PCDHGA1: variants seen among roughly 807,000 people sequenced by gnomAD.
PCDHGA1 encodes protocadherin gamma-A1.
Under a neutral mutation model 58.0 loss-of-function variants are expected in PCDHGA1, and 32 were observed. The observed-to-expected ratio is 0.55, with a 90% CI of 0.42 to 0.74. PCDHGA1 has a LOEUF of 0.74. Ranked by LOEUF, PCDHGA1 falls within the 30% of genes least tolerant of loss-of-function variation. The pLI, the probability that PCDHGA1 is intolerant of heterozygous loss-of-function variation, is 0.00. For missense variants in PCDHGA1, 1,205 were observed against 1,182.3 expected, an observed-to-expected ratio of 1.02 and a Z score of -0.28; for synonymous variants, 498 against 501.1, an observed-to-expected ratio of 0.99 and a Z score of 0.08.
At position 141,500,368 on chromosome 5, in the gene PCDHGA1, C is replaced by T. The variant is rs181410708; in HGVS notation, c.2481-5025C>T. Among the ~76,000 whole-genome samples, 364 of 152,050 alleles carry T rather than the reference C, an allele frequency of 2.4e-3. 3 individuals carry two copies. The highest frequency in any genetic ancestry group is 9.2e-3 in the Admixed American group (140 of 15,274). ...GGACTACAGGCGCCCACTACCACGCCCGGCTAATTATTTTGTATTTTTAGT... is the reference window on the plus strand; with the variant it reads ...GGACTACAGGCGCCCACTACCACGCTCGGCTAATTATTTTGTATTTTTAGT... On this transcript the variant is annotated intron_variant, in intron 2 of 3. Transcript: ENST00000517417.
intron 1 of PCDHGA1, chr5:141,430,515 G>A (rs1016446331): frequency 2.1e-5 from 7 of 340,180 alleles, no homozygotes; most frequent in Admixed American, 1.8e-4. Flanking sequence ...TCAAGATTGT[G>A]CAGTAATTGG....
At position 141,366,500 on chromosome 5, in the gene PCDHGA1, C is replaced by T. The variant is rs538032302; in HGVS notation, c.2421+33395C>T. The T allele has an allele frequency of 1.5e-5, 24 of 1,614,276 alleles. No homozygotes were observed. In the South Asian group the frequency reaches 2.3e-4, roughly 16 times the overall value. On this transcript the variant is annotated intron_variant, in intron 1 of 3. Coordinates refer to ENST00000517417, the MANE Select transcript of PCDHGA1 (RefSeq NM_018912.3). The stretch of plus-strand genomic sequence containing the variant: ...ACTGAGGCGCTGGCACAAGTCACGC[C>T]TGCTTCAGGCTGAAGGCAGCAGGTT...
At chr5:141,483,273 T>G (rs6860615) in intron 1 of PCDHGA1, among the ~76,000 whole-genome samples, 62,442 of 151,936 alleles carry the variant, frequency 0.41, 15,417 homozygotes, top group African/African-American at 0.7. Flanking sequence ...GTTTTAGAAA[T>G]ATTATTCTGT....
At chr5:141,419,782 C>T (rs765128711) in intron 1 of PCDHGA1, 9 of 1,614,058 alleles carry the variant, frequency 5.6e-6, no homozygotes, top group Non-Finnish European at 7.6e-6. Flanking sequence ...TCCGCCAGCG[C>T]CTGCTAGTCG....
Position 141,486,998 on chromosome 5 carries a change from C to G in PCDHGA1, c.2422-7809C>G, listed in dbSNP as rs754609128. On this transcript the variant is annotated intron_variant, in intron 1 of 3. Coordinates refer to ENST00000517417, the MANE Select transcript of PCDHGA1 (RefSeq NM_018912.3). The surrounding 1 kb of genome is among the most constrained non-coding windows in gnomAD (Gnocchi z 5.0). ...AGGTTACAATGCTTGGGTTTCCTAT[C>G]AGCTCCTGGAGGCCCCAGATCCCAG... The G allele has an allele frequency of 6.2e-7, 1 of 1,614,206 alleles. No homozygotes were observed. Among genetic ancestry groups the G allele is most frequent in the Non-Finnish European group, 8.5e-7 (1 of 1,180,034 alleles).
chr5:141,451,001 A>T (rs909477017), intron 1 of PCDHGA1, among the ~76,000 whole-genome samples: 2 of 148,266 alleles, frequency 1.3e-5, no homozygotes, highest in Middle Eastern at 3.4e-3. Context: ...ATTTTTTTGT[A>T]TTTTTTTTAG....
chr5:141,404,429 G>A (rs760246804), intron 1 of PCDHGA1: 1 of 1,613,682 alleles, frequency 6.2e-7, no homozygotes, highest in East Asian at 2.2e-5. Flanking sequence ...CTCCTTGGCA[G>A]AGGATACCAT....
At chr5:141,360,478 A>G in intron 1 of PCDHGA1, 1 of 1,613,910 alleles carries the variant, frequency 6.2e-7, no homozygotes, top group Non-Finnish European at 8.5e-7. Flanking sequence ...AAATCCACTA[A>G]ATATTTTCTA....
At chr5:141,456,224 A>ACT (rs1167290500) in intron 1 of PCDHGA1, among the ~76,000 whole-genome samples, 1 of 152,034 alleles carries the variant, frequency 6.6e-6, no homozygotes, top group Non-Finnish European at 1.5e-5. Context: ...GCGATATCAA[A>ACT]CTAACTGCTG....
intron 1 of PCDHGA1, chr5:141,340,354 T>A: frequency 3.1e-6 from 5 of 1,613,720 alleles, no homozygotes; most frequent in Non-Finnish European, 4.2e-6. Flanking sequence ...CCACCTACAT[T>A]CCCGAAAACA....
chr5:141,444,467 G>A (rs1288596542), intron 1 of PCDHGA1, among the ~76,000 whole-genome samples: 3 of 151,998 alleles, frequency 2.0e-5, no homozygotes, highest in African/African-American at 4.8e-5. Flanking sequence ...CACTGCGCCC[G>A]GTCGCGTACT....
At chr5:141,350,152 C>T (rs1758417714) in intron 1 of PCDHGA1, 5 of 974,858 alleles carry the variant, frequency 5.1e-6, no homozygotes, top group Non-Finnish European at 5.7e-6. Flanking sequence ...TGTTCACCCT[C>T]GAGCGCCTAA....
chr5:141,428,658 T>G (rs932328483), intron 1 of PCDHGA1: 1 of 165,620 alleles, frequency 6.0e-6, no homozygotes, highest in Non-Finnish European at 1.3e-5. Flanking sequence ...TGAGTTCCAA[T>G]GAATGTCTTT....
rs779949817 is a variant in PCDHGA1 at position 141,487,266 on chromosome 5, T to G, written c.2422-7541T>G. The G allele has an allele frequency of 6.2e-7, 1 of 1,614,054 alleles. No individual in the cohort carries two copies. The highest frequency in any genetic ancestry group is 8.5e-7 in the Non-Finnish European group (1 of 1,180,044). On this transcript the variant is annotated intron_variant, in intron 1 of 3. Transcript: ENST00000517417. This position sits in a 1 kb window ranked among gnomAD's most constrained non-coding sequence, Gnocchi z 5.0. The stretch of plus-strand genomic sequence containing the variant: ...ACCCTCTACTTGGCTGTGTCCCTAG[T>G]GGCAATTTGCTTTGTCTCCTTTGGC...
intron 1 of PCDHGA1, chr5:141,366,482 C>A: frequency 6.2e-7 from 1 of 1,614,242 alleles, no homozygotes; most frequent in Non-Finnish European, 8.5e-7. Flanking sequence ...CAGACTGAGG[C>A]GCTGGCACAA....
At position 141,383,491 on chromosome 5, in the gene PCDHGA1, C is replaced by A. The variant is rs116533786; in HGVS notation, c.2421+50386C>A. ...TAAGTACCCGGAACTGGTGCTGGAG[C>A]GGGTGCTGGACCGGGAGGAAGAGCG... On this transcript the variant is annotated intron_variant, in intron 1 of 3. Transcript: ENST00000517417. 4.5e-4 allele frequency: 731 copies of A among 1,613,114 alleles called. 6 individuals are homozygous for A. In the African/African-American group the frequency reaches 7.9e-3, roughly 17 times the overall value.
Position 141,489,999 on chromosome 5 carries a change from GA to G in PCDHGA1, c.2422-4806del. On this transcript the variant is annotated intron_variant, in intron 1 of 3. Transcript: ENST00000517417. The surrounding 1 kb of genome is among the most constrained non-coding windows in gnomAD (Gnocchi z 4.5). ...CAGTTCTACGTGTGGGAATCCCAGA[GA>G]ATGCACCCATTGGTACTCTGCTGCT... 1 of 1,614,242 alleles carries G rather than the reference GA, an allele frequency of 6.2e-7. No individual in the cohort carries two copies. Among genetic ancestry groups the G allele is most frequent in the Non-Finnish European group, 8.5e-7 (1 of 1,180,032 alleles).
At chr5:141,461,133 T>C (rs2099009646) in intron 1 of PCDHGA1, among the ~76,000 whole-genome samples, 1 of 152,086 alleles carries the variant, frequency 6.6e-6, no homozygotes, top group South Asian at 2.1e-4. Flanking sequence ...TAATTACTTA[T>C]TTTCCTTTGG....
chr5:141,403,201 C>G (rs1486888915), intron 1 of PCDHGA1: 1 of 1,614,002 alleles, frequency 6.2e-7, no homozygotes, highest in East Asian at 2.2e-5. Context: ...GCAGCGGCAC[C>G]TTGGTCACCG....
Sources: gnomAD v4.1 joint callset for allele counts (sites outside exome capture counted in the v4.1 genomes callset) on GRCh38, gnomAD v4.1.1 for gene constraint, Gnocchi (gnomAD v3.1) non-coding constraint, MANE v1.5 for transcripts, NCBI Gene and HGNC (gene_info 2026-07-23, HGNC 2026-07-21) for gene names.